Variants in PTPRT observed in about 807,000 individuals in gnomAD.
The protein encoded by PTPRT is protein tyrosine phosphatase receptor type T.
In PTPRT, 56 loss-of-function variants were observed where a neutral mutation model predicts 176.8. The observed-to-expected ratio is 0.32, with a 90% CI of 0.26 to 0.40. PTPRT has a LOEUF of 0.40. PTPRT is among the 10% of genes least tolerant of loss of function. PTPRT has a pLI of 1.00. For synonymous variants in PTPRT, 783 were observed against 739.0 expected, an observed-to-expected ratio of 1.06 and a Z score of -0.96; for missense variants, 1,540 against 1,908.2, an observed-to-expected ratio of 0.81 and a Z score of 3.60.
At chr20:43,125,322 C>A (rs2013401088) in intron 1 of PTPRT, among the ~76,000 whole-genome samples, 1 of 152,162 alleles carries the variant, frequency 6.6e-6, no homozygotes, top group South Asian at 2.1e-4. Flanking sequence ...TGAACTCTGA[C>A]CTTCCTGGTG....
At chr20:42,386,316 G>A (rs571004760) in intron 9 of PTPRT, among the ~76,000 whole-genome samples, 16 of 152,208 alleles carry the variant, frequency 1.1e-4, no homozygotes, top group African/African-American at 2.9e-4. Context: ...TTTGGCTTTA[G>A]TGGTATAATT....
At chr20:42,545,505 C>T (rs1032604219) in intron 7 of PTPRT, among the ~76,000 whole-genome samples, 20 of 152,134 alleles carry the variant, frequency 1.3e-4, no homozygotes, top group African/African-American at 4.6e-4. Flanking sequence ...TTTTGCTCAA[C>T]CCACACTTTC....
At chr20:42,331,642 C>A (rs1394383867) in intron 11 of PTPRT, among the ~76,000 whole-genome samples, 2 of 152,092 alleles carry the variant, frequency 1.3e-5, no homozygotes, top group African/African-American at 2.4e-5. Flanking sequence ...TTGAGGATTG[C>A]AGAAGTGCAA....
chr20:43,027,855 G>A (rs1292185601), intron 1 of PTPRT, among the ~76,000 whole-genome samples: 1 of 152,124 alleles, frequency 6.6e-6, no homozygotes, highest in East Asian at 1.9e-4. Context: ...GTCAAGAGAT[G>A]AGTGACAAGA....
intron 11 of PTPRT, among the ~76,000 whole-genome samples, chr20:42,322,713 G>A (rs1357856257): frequency 2.0e-5 from 3 of 151,942 alleles, no homozygotes; most frequent in Non-Finnish European, 4.4e-5. Context: ...AGGACTTCAT[G>A]TCTAAAACAC....
At chr20:42,917,580 C>A (rs1047360091) in intron 1 of PTPRT, among the ~76,000 whole-genome samples, 13 of 152,272 alleles carry the variant, frequency 8.5e-5, no homozygotes, top group African/African-American at 3.1e-4. Context: ...GATATTGATT[C>A]TTCCTACCCA....
At chr20:42,174,289 A>C (rs1198186862) in intron 16 of PTPRT, among the ~76,000 whole-genome samples, 1 of 152,198 alleles carries the variant, frequency 6.6e-6, no homozygotes, top group Non-Finnish European at 1.5e-5. Context: ...ATATTCTTGC[A>C]AGCATGAAGG....
chr20:42,944,756 A>G (rs893900963), intron 1 of PTPRT, among the ~76,000 whole-genome samples: 3 of 152,204 alleles, frequency 2.0e-5, no homozygotes, highest in African/African-American at 7.2e-5. Context: ...TATCAAGTCC[A>G]CAGTTGAAGA....
At chr20:42,784,393 TA>T (rs2077258894) in intron 3 of PTPRT, among the ~76,000 whole-genome samples, 2 of 152,180 alleles carry the variant, frequency 1.3e-5, no homozygotes, top group Admixed American at 6.5e-5. Context: ...GAACTCCTCT[TA>T]GAACATAAAT....
chr20:42,438,037 G>T (rs1483025668), intron 9 of PTPRT, among the ~76,000 whole-genome samples: 1 of 152,146 alleles, frequency 6.6e-6, no homozygotes, highest in Non-Finnish European at 1.5e-5. Flanking sequence ...ACAGTTTATT[G>T]AAAGGACCAC....
At position 42,677,855 on chromosome 20, in the gene PTPRT, A is replaced by AC; in HGVS notation, c.1153+10_1153+11insG. ...TCTCATAATGGAGCCTGGGAAAAAA[A>AC]AAAATCTTACCTGCACACTTGGTCC... On this transcript the variant is annotated intron_variant, in intron 7 of 30. Transcript: ENST00000373187. The AC allele has an allele frequency of 6.3e-7, 1 of 1,598,534 alleles. No homozygotes were observed. Among genetic ancestry groups the AC allele is most frequent in the African/African-American group, 1.4e-5 (1 of 74,060 alleles).
At chr20:42,738,538 A>G (rs1027735684) in intron 6 of PTPRT, among the ~76,000 whole-genome samples, 2 of 151,596 alleles carry the variant, frequency 1.3e-5, no homozygotes, top group African/African-American at 4.9e-5. Context: ...CATTCTTACC[A>G]CTCTCTAAAT....
intron 22 of PTPRT, among the ~76,000 whole-genome samples, chr20:42,112,376 G>T (rs1005926227): frequency 1.3e-5 from 2 of 152,170 alleles, no homozygotes; most frequent in African/African-American, 4.8e-5. Flanking sequence ...GGGTGTGGCT[G>T]GGTGGGGCAG....
chr20:42,913,574 G>A (rs1978537592), intron 1 of PTPRT, among the ~76,000 whole-genome samples: 1 of 152,050 alleles, frequency 6.6e-6, no homozygotes, highest in Non-Finnish European at 1.5e-5. Flanking sequence ...GTCACATTCT[G>A]AGTTACTGGG....
chr20:42,579,254 C>A (rs2073326802), intron 7 of PTPRT, among the ~76,000 whole-genome samples: 1 of 152,032 alleles, frequency 6.6e-6, no homozygotes, highest in Non-Finnish European at 1.5e-5. Flanking sequence ...TTTTTTATGA[C>A]TGCATAGTAT....
intron 1 of PTPRT, among the ~76,000 whole-genome samples, chr20:43,078,735 T>C (rs140262936): frequency 0.016 from 2,401 of 152,274 alleles, 49 homozygotes; most frequent in South Asian, 0.11. Context: ...AATGTAACCA[T>C]CAATCTGTTG....
chr20:42,439,275 T>C (rs1293851164), intron 9 of PTPRT, among the ~76,000 whole-genome samples: 2 of 152,118 alleles, frequency 1.3e-5, no homozygotes, highest in African/African-American at 2.4e-5. Flanking sequence ...ATGTCTTTTT[T>C]AATCTCACAA....
chr20:42,098,940 C>A (rs377702114), intron 26 of PTPRT, among the ~76,000 whole-genome samples: 1 of 152,226 alleles, frequency 6.6e-6, no homozygotes, highest in Non-Finnish European at 1.5e-5. Context: ...CGATGCTGGG[C>A]GAGGTTTTGG....
chr20:42,711,560 G>A (rs1363834403), intron 6 of PTPRT, among the ~76,000 whole-genome samples: 1 of 152,130 alleles, frequency 6.6e-6, no homozygotes, highest in Non-Finnish European at 1.5e-5. Context: ...AGAAGCAAAT[G>A]CTGGCACTAT....
Sources: allele counts gnomAD v4.1 joint callset (sites outside exome capture counted in the v4.1 genomes callset), GRCh38; gene constraint gnomAD v4.1.1; transcripts MANE v1.5; gene names NCBI Gene and HGNC (gene_info 2026-07-23, HGNC 2026-07-21).